The following CKAP5 variants were observed in gnomAD, a reference collection of about 807,000 sequenced individuals.
The protein encoded by CKAP5 is cytoskeleton associated protein 5.
In CKAP5, 27 loss-of-function variants were observed where a neutral mutation model predicts 232.8. The observed-to-expected ratio is 0.12, with a 90% CI of 0.09 to 0.16. The LOEUF is 0.16. CKAP5 is among the 10% of genes least tolerant of loss of function. CKAP5 has a pLI of 1.00. For synonymous variants in CKAP5, 785 were observed against 841.1 expected, an observed-to-expected ratio of 0.93 and a Z score of 1.16; for missense variants, 1,838 against 2,424.7, an observed-to-expected ratio of 0.76 and a Z score of 5.08.
chr11:46,765,211 C>T lies in CKAP5; in HGVS notation c.3457G>A (p.Asp1153Asn). 1 of 1,613,180 alleles carries T rather than the reference C, an allele frequency of 6.2e-7. No individual in the cohort carries two copies. The highest frequency in any genetic ancestry group is 2.2e-5 in the East Asian group (1 of 44,762). Reference protein sequence around the residue: ...KMPSKTSLKEDEDKSGPIFIV... With the variant: ...KMPSKTSLKENEDKSGPIFIV... ...AAAATAGGCCCGGATTTGTCTTCAT[C>T]CTCCTTTAAGCTGGTTTTGCTTGGC... is the stretch of plus-strand genomic sequence containing the variant. Residue 1153 changes from aspartate (D) to asparagine (N), a missense_variant, in exon 28 of 44, where the codon GAT becomes AAT. This residue lies in a region of CKAP5 where 767 missense variants were observed against 954.6 expected (regional missense o/e 0.80). Coordinates refer to ENST00000529230, the MANE Select transcript of CKAP5 (RefSeq NM_001008938.4).
chr11:46,821,421 C>CTTTTTTT (rs369366613), intron 1 of CKAP5, among the ~76,000 whole-genome samples, 153 bp from the exon 2 acceptor site: 14 of 105,184 alleles, frequency 1.3e-4, no homozygotes, highest in East Asian at 5.9e-4. Context: ...ATTAACAGGA[C>CTTTTTTT]TTTTTTTTTT....
intron 27 of CKAP5, among the ~76,000 whole-genome samples, chr11:46,765,681 T>A (rs960939290): frequency 7.0e-6 from 1 of 142,188 alleles, no homozygotes; most frequent in East Asian, 2.2e-4. Context: ...CTCAGCTCAC[T>A]GCAATCTCCA....
chr11:46,799,163 ATTT>A (rs375825418), intron 9 of CKAP5, among the ~76,000 whole-genome samples: 1 of 147,166 alleles, frequency 6.8e-6, no homozygotes, highest in African/African-American at 2.5e-5. Flanking sequence ...CACACCTGCT[ATTT>A]TTTTTTTTAA....
rs373563963 is a variant in CKAP5 at position 46,778,596 on chromosome 11, G to C, written c.2437C>G (p.Gln813Glu). ...SQIDAEFEKM[Q>E]GQSPPAPTRG... ...GTTGGAGCAGGTGGACTTTGTCCCT[G>C]CATCTATACACAAATGAATGAGTAA... is the stretch of plus-strand genomic sequence containing the variant. The change falls in exon 21 of 44, where the codon CAG (glutamine) becomes GAG (glutamate). Residue 813 changes from glutamine to glutamate, a missense_variant. By Grantham distance (29) the Gln-to-Glu change is conservative. Transcript: ENST00000529230. 6.2e-7 allele frequency: 1 copy of C among 1,613,224 alleles called. No individual in the cohort carries two copies. Among genetic ancestry groups the C allele is most frequent in the Non-Finnish European group, 8.5e-7 (1 of 1,179,516 alleles).
chr11:46,788,911 A>AT, intron 15 of CKAP5, 138 bp from the exon 16 acceptor site: 1 of 640,902 alleles, frequency 1.6e-6, no homozygotes. Flanking sequence ...GAGGGAGCTT[A>AT]TATAGCTTCC....
intron 1 of CKAP5, among the ~76,000 whole-genome samples, chr11:46,836,844 T>C (rs1014654946): frequency 6.6e-6 from 1 of 152,234 alleles, no homozygotes; most frequent in Non-Finnish European, 1.5e-5. Flanking sequence ...CCAGCACTTT[T>C]GGGAGGCCAA....
At chr11:46,796,519 G>A (rs943032739) in intron 12 of CKAP5, among the ~76,000 whole-genome samples, 11 of 151,674 alleles carry the variant, frequency 7.3e-5, no homozygotes, top group African/African-American at 2.4e-4. Context: ...CAAAAGCTAA[G>A]TTTTCAAACT....
rs768628404 is a variant in CKAP5, at chr11:46,761,655, G to A, written c.4221+345C>T. 6.2e-4 allele frequency among the ~76,000 whole-genome samples: 94 copies of A among 152,258 alleles called. 1 individual carries two copies. The highest frequency in any genetic ancestry group is 4.3e-4 in the African/African-American group (18 of 41,540). On this transcript the variant is annotated intron_variant, in intron 32 of 43. Coordinates refer to ENST00000529230, the MANE Select transcript of CKAP5 (RefSeq NM_001008938.4). ...TAGCATCCACACTATACACAAATAAGCACTTTTTAACCAAAAACTCGATGC... is the reference window on the plus strand; with the variant it reads ...TAGCATCCACACTATACACAAATAAACACTTTTTAACCAAAAACTCGATGC...
At chr11:46,793,394 CT>C (rs1365918540) in intron 13 of CKAP5, among the ~76,000 whole-genome samples, 2 of 152,218 alleles carry the variant, frequency 1.3e-5, no homozygotes, top group African/African-American at 4.8e-5. Context: ...AACTCTCACT[CT>C]TAAGAGAGTC....
At chr11:46,784,025 G>A (rs7941964) in intron 17 of CKAP5, among the ~76,000 whole-genome samples, 124,867 of 151,490 alleles carry the variant, frequency 0.82, 52,090 homozygotes, top group Middle Eastern at 0.87. Context: ...TGACTAAGAT[G>A]AATTTTCATC....
Position 46,783,279 on chromosome 11 carries a change from A to G in CKAP5, c.2244T>C (p.Phe748=), listed in dbSNP as rs767155128. 2.5e-6 allele frequency: 4 copies of G among 1,602,210 alleles called. No individual in the cohort carries two copies. In the African/African-American group the frequency reaches 4.0e-5, roughly 16 times the overall value. Residue 748 remains phenylalanine, a synonymous_variant, in exon 18 of 44, where the codon TTT becomes TTC. Coordinates refer to ENST00000529230, the MANE Select transcript of CKAP5 (RefSeq NM_001008938.4). ...TTGATTTCGTTCTGACTTACCCAGA[A>G]AAACCAAATTCTTTTATGGCATTTG... The part of the protein sequence containing the change: ...WLSNAIKEFG[F]SGLNVKAFIS...
At chr11:46,788,813 G>A (rs758477052) in intron 15 of CKAP5, 40 bp from the exon 16 acceptor site, 40 of 1,409,068 alleles carry the variant, frequency 2.8e-5, no homozygotes, top group Non-Finnish European at 4.0e-5. Context: ...AAGGGTTAAA[G>A]GTTACTTCCA....
intron 1 of CKAP5, among the ~76,000 whole-genome samples, chr11:46,824,431 T>C (rs542447086): frequency 2.3e-4 from 35 of 152,274 alleles, no homozygotes; most frequent in African/African-American, 8.2e-4. Flanking sequence ...CCTAGGTGTA[T>C]AGCCTAGAAA....
intron 5 of CKAP5, 21 bp downstream of exon 5, chr11:46,810,986 C>A: frequency 6.4e-7 from 1 of 1,560,512 alleles, no homozygotes; most frequent in Non-Finnish European, 8.7e-7. Context: ...GCGAAAGCAA[C>A]CAGAAAACTT....
At chr11:46,749,345 C>T (rs1473958046) in intron 42 of CKAP5, among the ~76,000 whole-genome samples, 9 of 150,908 alleles carry the variant, frequency 6.0e-5, no homozygotes, top group Admixed American at 2.0e-4. Flanking sequence ...GTTCCAGCTA[C>T]TCAAGAGGCT....
At chr11:46,841,318 C>A (rs1332775535) in intron 1 of CKAP5, among the ~76,000 whole-genome samples, 1 of 151,268 alleles carries the variant, frequency 6.6e-6, no homozygotes, top group Non-Finnish European at 1.5e-5. Context: ...GGACACACAG[C>A]TAGTGTCCAC....
chr11:46,747,436 T>TACTAAAACTACAAA, intron 42 of CKAP5, among the ~76,000 whole-genome samples: 1 of 151,594 alleles, frequency 6.6e-6, no homozygotes, highest in South Asian at 2.1e-4. Context: ...ACCCCGCCTC[T>TACTAAAACTACAAA]ACTAAAACTA....
chr11:46,822,704 T>G (rs1939564260), intron 1 of CKAP5, among the ~76,000 whole-genome samples: 1 of 124,438 alleles, frequency 8.0e-6, no homozygotes, highest in African/African-American at 3.2e-5. Flanking sequence ...TGAGCCGAGA[T>G]CGCACTGCAC....
Position 46,744,164 on chromosome 11 carries a change from C to T in CKAP5, c.5958G>A (p.Arg1986=). 6.2e-7 allele frequency: 1 copy of T among 1,614,058 alleles called. No homozygotes were observed. Among genetic ancestry groups the T allele is most frequent in the Non-Finnish European group, 8.5e-7 (1 of 1,180,040 alleles). The change falls in exon 44 of 44, where the codon CGG becomes CGA. Residue 1986 remains arginine, a synonymous_variant. Transcript: ENST00000529230. ...AATGCTGGTGCTGCTCCCGTGACTC[C>T]CGGAGCTGAGAGAGTTTGCTGTGGA... is the stretch of plus-strand genomic sequence containing the variant. ...DMLHSKLSQL[R]ESREQHQHSD...
Sources: allele counts gnomAD v4.1 joint callset (sites outside exome capture counted in the v4.1 genomes callset), GRCh38; gene constraint gnomAD v4.1.1; regional missense constraint gnomAD v4.1.1; transcripts MANE v1.5; gene names NCBI Gene and HGNC (gene_info 2026-07-23, HGNC 2026-07-21).